BABAM2: variants seen among roughly 807,000 people sequenced by gnomAD.
The protein encoded by BABAM2 is BRISC and BRCA1-A complex member 2.
BABAM2 carries 31 observed loss-of-function variants against 54.7 expected under a neutral mutation model. The ratio of observed to expected loss-of-function variants is 0.57; its 90% CI spans 0.43 to 0.77. The LOEUF is 0.77. BABAM2 is among the 30% of genes least tolerant of loss of function. The pLI is 0.00. For missense variants in BABAM2, 364 were observed against 455.8 expected, an observed-to-expected ratio of 0.80 and a Z score of 1.83; for synonymous variants, 167 against 162.9, an observed-to-expected ratio of 1.03 and a Z score of -0.19.
intron 10 of BABAM2, among the ~76,000 whole-genome samples, chr2:28,246,396 A>ACCTGATGACCCAAC (rs1442392462): frequency 6.6e-6 from 1 of 152,168 alleles, no homozygotes; most frequent in Non-Finnish European, 1.5e-5. Flanking sequence ...TCTTTCTGTA[A>ACCTGATGACCCAAC]CCTGATGACC....
At chr2:28,324,371 T>C (rs2148317084) in intron 11 of BABAM2, among the ~76,000 whole-genome samples, 2 of 152,288 alleles carry the variant, frequency 1.3e-5, no homozygotes, top group South Asian at 4.1e-4. Flanking sequence ...CAGTGGACAG[T>C]ACACTTGCCA....
intron 3 of BABAM2, among the ~76,000 whole-genome samples, chr2:27,967,220 G>A (rs2148442917): frequency 6.6e-6 from 1 of 152,282 alleles, no homozygotes; most frequent in African/African-American, 2.4e-5. Context: ...GAATTCCCAT[G>A]TGTTGTGGGA....
chr2:28,321,153 C>T (rs1474665729), intron 11 of BABAM2, among the ~76,000 whole-genome samples: 2 of 151,900 alleles, frequency 1.3e-5, no homozygotes, highest in East Asian at 3.9e-4. Context: ...TGTATGATGG[C>T]AGTGGAGGGG....
chr2:28,258,610 C>CTCTTCTT (rs1684177435), intron 10 of BABAM2, among the ~76,000 whole-genome samples: 1 of 26,276 alleles, frequency 3.8e-5, no homozygotes, highest in Non-Finnish European at 8.3e-5. Context: ...TTTCTTTTTT[C>CTCTTCTT]TTTTCTTTTT....
At chr2:28,103,093 A>G (rs1357153773) in intron 6 of BABAM2, among the ~76,000 whole-genome samples, 1 of 151,768 alleles carries the variant, frequency 6.6e-6, no homozygotes, top group African/African-American at 2.4e-5. Context: ...CTTTCATTTT[A>G]GAGTATTTGT....
chr2:28,114,991 A>G (rs939949897), intron 6 of BABAM2, among the ~76,000 whole-genome samples: 1 of 152,242 alleles, frequency 6.6e-6, no homozygotes, highest in Non-Finnish European at 1.5e-5. Flanking sequence ...ACACATTCAT[A>G]CATTTGTTTT....
At chr2:28,198,164 C>CTT (rs112924617) in intron 7 of BABAM2, among the ~76,000 whole-genome samples, 3 of 144,782 alleles carry the variant, frequency 2.1e-5, no homozygotes, top group South Asian at 4.3e-4. Context: ...CACAGGACAG[C>CTT]TTTTTTTTTT....
intron 4 of BABAM2, among the ~76,000 whole-genome samples, chr2:27,991,339 A>G (rs1156876260): frequency 6.6e-6 from 1 of 152,202 alleles, no homozygotes; most frequent in Non-Finnish European, 1.5e-5. Context: ...CCAGTGAAGT[A>G]TTATTTTCCA....
At chr2:28,068,982 A>T (rs1573514486) in intron 6 of BABAM2, among the ~76,000 whole-genome samples, 1 of 152,300 alleles carries the variant, frequency 6.6e-6, no homozygotes, top group South Asian at 2.1e-4. Flanking sequence ...CAGCTTAATT[A>T]CATTTTCACT....
At chr2:28,152,506 A>G (rs1391705000) in intron 7 of BABAM2, among the ~76,000 whole-genome samples, 1 of 152,044 alleles carries the variant, frequency 6.6e-6, no homozygotes, top group Non-Finnish European at 1.5e-5. Context: ...TGATAACGGG[A>G]AGGAGGAGCT....
At chr2:28,328,077 G>T (rs1690633279) in intron 11 of BABAM2, among the ~76,000 whole-genome samples, 1 of 152,168 alleles carries the variant, frequency 6.6e-6, no homozygotes, top group Non-Finnish European at 1.5e-5. Context: ...CCTTTGGAGG[G>T]TTTGGGGTGA....
Position 28,213,152 on chromosome 2 carries a change from A to C in BABAM2, c.681-24050A>C, listed in dbSNP as rs116245890. ...TGAGGTATGAGGATCACTTGAGCCC[A>C]GGACATGGAGGTTGCTGTGAGCCCA... On this transcript the variant is annotated intron_variant, in intron 7 of 11. Coordinates refer to ENST00000379624, the MANE Select transcript of BABAM2 (RefSeq NM_199191.3). Among the ~76,000 whole-genome samples the C allele has an allele frequency of 4.6e-3, 707 of 152,262 alleles. 10 individuals are homozygous for C. Among genetic ancestry groups the C allele is most frequent in the African/African-American group, 0.016 (653 of 41,532 alleles).
intron 6 of BABAM2, among the ~76,000 whole-genome samples, chr2:28,084,103 G>A (rs553193766): frequency 2.3e-4 from 35 of 152,218 alleles, no homozygotes; most frequent in Non-Finnish European, 4.6e-4. Flanking sequence ...CTCACTCCAG[G>A]GTTATGATAG....
At chr2:27,920,590 T>C (rs1345211426) in intron 2 of BABAM2, among the ~76,000 whole-genome samples, 1 of 152,188 alleles carries the variant, frequency 6.6e-6, no homozygotes, top group Middle Eastern at 3.2e-3. Flanking sequence ...TATTTGAGAG[T>C]CACTTGTTAT....
chr2:27,915,658 A>G (rs1666912049), intron 2 of BABAM2, among the ~76,000 whole-genome samples: 1 of 120,522 alleles, frequency 8.3e-6, no homozygotes, highest in Admixed American at 9.5e-5. Flanking sequence ...TAAATATAAG[A>G]ATTTGAAGAT....
chr2:27,972,390 A>G (rs1671281364), intron 3 of BABAM2, among the ~76,000 whole-genome samples: 3 of 152,238 alleles, frequency 2.0e-5, no homozygotes. Context: ...CTGCCAAGGA[A>G]CAGAGTGTGG....
intron 7 of BABAM2, among the ~76,000 whole-genome samples, chr2:28,164,083 T>G (rs1673383651): frequency 2.0e-5 from 3 of 152,214 alleles, no homozygotes; most frequent in Admixed American, 2.0e-4. Context: ...CTTGTTGCAC[T>G]TAACATCTTG....
At chr2:27,954,347 T>A (rs1010002570) in intron 3 of BABAM2, among the ~76,000 whole-genome samples, 1 of 152,234 alleles carries the variant, frequency 6.6e-6, no homozygotes, top group African/African-American at 2.4e-5. Context: ...ATTGCCAGAT[T>A]GCACCGTAGG....
intron 7 of BABAM2, among the ~76,000 whole-genome samples, chr2:28,216,442 A>C (rs1295256475): frequency 6.6e-6 from 1 of 152,214 alleles, no homozygotes; most frequent in African/African-American, 2.4e-5. Flanking sequence ...ATTTTAGAGA[A>C]CCAAACCAGC....
Sources: allele counts gnomAD v4.1 joint callset (sites outside exome capture counted in the v4.1 genomes callset), GRCh38; gene constraint gnomAD v4.1.1; transcripts MANE v1.5; gene names NCBI Gene and HGNC (gene_info 2026-07-23, HGNC 2026-07-21).